GUCY2F: variants seen among roughly 807,000 people sequenced by gnomAD.
GUCY2F encodes guanylate cyclase 2F, retinal, also known as retinal guanylyl cyclase 2.
In GUCY2F, 61 loss-of-function variants were observed where a neutral mutation model predicts 73.1. The ratio of observed to expected loss-of-function variants is 0.83; its 90% CI spans 0.68 to 1.03. The LOEUF is 1.03. GUCY2F is among the 50% of genes least tolerant of loss of function. GUCY2F has a pLI of 0.00. For synonymous variants in GUCY2F, 331 were observed against 307.8 expected (o/e 1.08, Z -0.79); for missense variants, 912 against 854.3 (o/e 1.07, Z -0.84).
chrX:109,376,277 C>A lies in GUCY2F; in HGVS notation c.3151-110G>T, dbSNP rs1185220881. On this transcript the variant is annotated intron_variant, in intron 17 of 19. Coordinates refer to ENST00000218006, the MANE Select transcript of GUCY2F (RefSeq NM_001522.3). ...TGCCTCACCACTCCCTGGAGTCTTC[C>A]TCCCTACGGGGCTGAGCCAGAGCAG... 7.6e-6 allele frequency: 4 copies of A among 525,683 alleles called. No individual in the cohort carries two copies. The East Asian group carries it at 1.4e-4, about 18-fold the overall frequency. 43.3% of individuals were successfully genotyped at this position (525,683 alleles called of 1,213,427 possible). A position where few individuals can be genotyped will look rare whatever the true frequency, so the allele number is the denominator to read the frequency against.
At chrX:109,391,878 C>A in intron 14 of GUCY2F, 33 bp downstream of exon 14, 1 of 978,859 alleles carries the variant, frequency 1.0e-6, no homozygotes, top group Non-Finnish European at 1.4e-6. Context: ...AAAAATTTCA[C>A]TATGGAATAT....
At chrX:109,393,897 A>T (rs1384569689) in intron 12 of GUCY2F, among the ~76,000 whole-genome samples, 3 of 112,364 alleles carry the variant, frequency 2.7e-5, no homozygotes, top group African/African-American at 9.7e-5. Context: ...GCTCTGTCCC[A>T]GTGAACCTCT....
chrX:109,450,582 T>C (rs746143354), intron 5 of GUCY2F, among the ~76,000 whole-genome samples: 28 of 112,447 alleles, frequency 2.5e-4, no homozygotes, highest in Non-Finnish European at 5.1e-4. Flanking sequence ...TTAAATACTT[T>C]ATTCTTTGGC....
chrX:109,478,711 A>T lies in GUCY2F; in HGVS notation c.-85-2690T>A, dbSNP rs887936391. ...TCATTTTAAAAACTGAATTTAAAAA[A>T]CTCATCACAGTCCTTTGAAGTAGGT... On this transcript the variant is annotated intron_variant, in intron 1 of 19. Transcript: ENST00000218006. Among the ~76,000 whole-genome samples the T allele has an allele frequency of 2.7e-5, 3 of 112,625 alleles. No homozygotes were observed. The Admixed American group carries it at 2.8e-4, about 11-fold the overall frequency.
intron 6 of GUCY2F, among the ~76,000 whole-genome samples, chrX:109,445,425 C>T (rs1931979151): frequency 8.9e-6 from 1 of 112,151 alleles, no homozygotes; most frequent in Non-Finnish European, 1.9e-5. Flanking sequence ...GCTCCAAGTG[C>T]ACTGCATTCA....
At position 109,475,529 on chromosome X, in the gene GUCY2F, C is replaced by T. The variant is rs749433102; in HGVS notation, c.408G>A (p.Ser136=). 3 of 1,210,703 alleles carry T rather than the reference C, an allele frequency of 2.5e-6. No individual in the cohort carries two copies. Among genetic ancestry groups the T allele is most frequent in the East Asian group, 3.0e-5 (1 of 33,831 alleles). ...CTTTGTCCCAGCTGTTTCCCAGGAG[C>T]GAGGCTGCCTCGCAGTAGCCAGGGT... ...PTNPGYCEAA[S]LLGNSWDKGI... is the part of the protein sequence containing the mutation. Residue 136 remains serine (S), a synonymous_variant, in exon 2 of 20, where the codon TCG becomes TCA. Transcript: ENST00000218006.
chrX:109,465,073 T>A, intron 3 of GUCY2F, 69 bp downstream of exon 3: 2 of 817,361 alleles, frequency 2.4e-6, no homozygotes, highest in Non-Finnish European at 3.5e-6. Context: ...AGACTGTTGG[T>A]CTGAAAATAA....
intron 1 of GUCY2F, among the ~76,000 whole-genome samples, chrX:109,478,676 A>G (rs12008967): frequency 0.015 from 1,744 of 112,543 alleles, 26 homozygotes; most frequent in African/African-American, 0.054. Context: ...CACTCTTTCC[A>G]TGTATTGTCT....
chrX:109,424,691 G>C (rs749271156), intron 8 of GUCY2F, among the ~76,000 whole-genome samples: 4 of 111,133 alleles, frequency 3.6e-5, no homozygotes, highest in Non-Finnish European at 5.7e-5. Flanking sequence ...TGTGCTTTCT[G>C]CTCAATTTCC....
intron 8 of GUCY2F, among the ~76,000 whole-genome samples, chrX:109,416,359 CTA>C (rs1360559333): frequency 9.1e-6 from 1 of 110,454 alleles, no homozygotes; most frequent in Non-Finnish European, 1.9e-5. Flanking sequence ...GAAAAAGAAA[CTA>C]TAAATATGAA....
intron 8 of GUCY2F, among the ~76,000 whole-genome samples, chrX:109,417,527 T>C (rs769619365): frequency 1.8e-4 from 20 of 110,941 alleles, no homozygotes; most frequent in African/African-American, 6.2e-4. Context: ...ACGGAATATA[T>C]GAAAAACACT....
intron 8 of GUCY2F, among the ~76,000 whole-genome samples, chrX:109,413,202 AT>A (rs1242548772): frequency 8.9e-6 from 1 of 112,186 alleles, no homozygotes; most frequent in Admixed American, 9.4e-5. Context: ...AGATGCCTAC[AT>A]GCAGTCATGT....
At chrX:109,447,886 ATT>A (rs202085243) in intron 6 of GUCY2F, among the ~76,000 whole-genome samples, 181 bp downstream of exon 6, 55 of 106,044 alleles carry the variant, frequency 5.2e-4, no homozygotes, top group African/African-American at 2.0e-3. Context: ...AATTTTTTTA[ATT>A]TTTTTTTTAA....
In GUCY2F at chrX:109,449,158, G is replaced by A. The variant is rs565120450; in HGVS notation, c.1473-993C>T. 1.3e-4 allele frequency among the ~76,000 whole-genome samples: 15 copies of A among 111,910 alleles called. No individual in the cohort carries two copies. In the East Asian group the frequency reaches 3.9e-3, roughly 29 times the overall value. On this transcript the variant is annotated intron_variant, in intron 5 of 19. Coordinates refer to ENST00000218006, the MANE Select transcript of GUCY2F (RefSeq NM_001522.3). ...ATGTGTTAAAGCCAAGAGCCATGGTGGAGAAAACAACCACTGAATCAAAAT... is the reference window on the plus strand; with the variant it reads ...ATGTGTTAAAGCCAAGAGCCATGGTAGAGAAAACAACCACTGAATCAAAAT...
chrX:109,376,148 G>T lies in GUCY2F; in HGVS notation c.3170C>A (p.Thr1057Asn), dbSNP rs372240553. 7.6e-6 allele frequency: 9 copies of T among 1,188,900 alleles called. No homozygotes were observed. Among genetic ancestry groups the T allele is most frequent in the Non-Finnish European group, 9.1e-6 (8 of 875,708 alleles). The change falls in exon 18 of 20, where the codon ACC (threonine) becomes AAC (asparagine). Residue 1057 changes from threonine (T) to asparagine (N), a missense_variant. Physicochemically the swap from Thr to Asn is moderately conservative, Grantham distance 65. Transcript: ENST00000218006. The part of the protein sequence containing the change: ...TELKGKGTEE[T>N]FWLIGKKGFM... ...GCCTTTTTTCCCAATCAGCCAGAAG[G>T]TTTCCTCTGTGCCTTTGCCCTTATT... is the stretch of plus-strand genomic sequence containing the variant.
chrX:109,392,913 A>T lies in GUCY2F; in HGVS notation c.2567T>A (p.Leu856His), dbSNP rs914479970. Residue 856 changes from leucine to histidine, a missense_variant, in exon 13 of 20, where the codon CTT becomes CAT. Coordinates refer to ENST00000218006, the MANE Select transcript of GUCY2F (RefSeq NM_001522.3). ...ATACGGTGGTAGCATCTGTGTTAGA[A>T]GCTTTTCCGTTTTCTGTTTTTCAAT... Reference protein sequence around the residue: ...LEIEKQKTEKLLTQMLPPSVA... With the variant: ...LEIEKQKTEKHLTQMLPPSVA... 1.7e-6 allele frequency: 2 copies of T among 1,185,873 alleles called. No homozygotes were observed. The highest frequency in any genetic ancestry group is 3.6e-5 in the African/African-American group (2 of 56,271).
intron 2 of GUCY2F, among the ~76,000 whole-genome samples, chrX:109,468,115 TCTC>T (rs1932506956): frequency 9.0e-6 from 1 of 111,630 alleles, no homozygotes; most frequent in Non-Finnish European, 1.9e-5. Context: ...TCACAGGTGT[TCTC>T]CTTGAAAATA....
In GUCY2F at chrX:109,421,020, C is replaced by T. The variant is rs1931359656; in HGVS notation, c.1791+9287G>A. On this transcript the variant is annotated intron_variant, in intron 8 of 19. Coordinates refer to ENST00000218006, the MANE Select transcript of GUCY2F (RefSeq NM_001522.3). The stretch of plus-strand genomic sequence containing the variant: ...TTTATAGCTTTCTATGAAAAGATGG[C>T]CAACACCACCAATTAATAGAGAAAT... 6.3e-5 allele frequency among the ~76,000 whole-genome samples: 7 copies of T among 110,719 alleles called. No homozygotes were observed. In the South Asian group the frequency reaches 2.7e-3, roughly 42 times the overall value.
chrX:109,391,886 T>C, intron 14 of GUCY2F, 25 bp downstream of exon 14: 14 of 1,035,512 alleles, frequency 1.4e-5, no homozygotes, highest in African/African-American at 1.9e-5. Flanking sequence ...CACTATGGAA[T>C]ATATTTTCCT....
Sources: allele counts gnomAD v4.1 joint callset (sites outside exome capture counted in the v4.1 genomes callset), GRCh38; gene constraint gnomAD v4.1.1; transcripts MANE v1.5; gene names NCBI Gene and HGNC (gene_info 2026-07-23, HGNC 2026-07-21).